SNRPN: variants seen among roughly 807,000 people sequenced by gnomAD.
SNRPN encodes small nuclear ribonucleoprotein polypeptide N, also known as small nuclear ribonucleoprotein-associated protein N.
In SNRPN, 7 loss-of-function variants were observed where a neutral mutation model predicts 25.2. The ratio of observed to expected loss-of-function variants is 0.28; its 90% CI spans 0.16 to 0.52. SNRPN has a LOEUF of 0.52. Among genes scored for constraint, SNRPN ranks in the 20% least tolerant of loss-of-function variants. SNRPN has a pLI of 0.96. For synonymous variants in SNRPN, 124 were observed against 110.6 expected, an observed-to-expected ratio of 1.12 and a Z score of -0.76; for missense variants, 196 against 322.5, an observed-to-expected ratio of 0.61 and a Z score of 3.00.
At chr15:24,969,587 G>A (rs979789208) in intron 3 of SNRPN, among the ~76,000 whole-genome samples, 1 of 151,676 alleles carries the variant, frequency 6.6e-6, no homozygotes, top group African/African-American at 2.4e-5. Flanking sequence ...CATTGAATAG[G>A]TGTGCACAAC....
chr15:24,933,621 T>C (rs2061030680), intron 3 of SNRPN, among the ~76,000 whole-genome samples: 1 of 151,828 alleles, frequency 6.6e-6, no homozygotes, highest in Admixed American at 6.6e-5. Flanking sequence ...CTACTAAAAA[T>C]AGAGGAGAAT....
intron 1 of SNRPN, 52 bp downstream of exon 1, chr15:24,955,114 T>C: frequency 6.2e-7 from 1 of 1,612,268 alleles, no homozygotes; most frequent in Non-Finnish European, 8.5e-7. Flanking sequence ...AGCGGCCACT[T>C]TTATTCATCA....
intron 3 of SNRPN, among the ~76,000 whole-genome samples, chr15:24,971,005 G>C (rs983544543): frequency 6.6e-5 from 10 of 152,062 alleles, no homozygotes; most frequent in Admixed American, 5.9e-4. Context: ...ATATTCCATG[G>C]TGTGTCTCAT....
At chr15:24,885,716 C>CTGTGTGTG (rs58691279) in intron 1 of SNRPN, among the ~76,000 whole-genome samples, 12,057 of 141,574 alleles carry the variant, frequency 0.085, 737 homozygotes, top group East Asian at 0.31. Flanking sequence ...GAATCTGGGG[C>CTGTGTGTG]TGTGTGTGTG....
chr15:24,973,938 C>A (rs2076767288), intron 3 of SNRPN, among the ~76,000 whole-genome samples: 1 of 152,046 alleles, frequency 6.6e-6, no homozygotes, highest in African/African-American at 2.4e-5. Flanking sequence ...AAGGAAAAAT[C>A]TGAATGAAAG....
rs1453667643 is a variant in SNRPN at position 24,975,241 on chromosome 15, A to G, written c.4-117A>G. The G allele has an allele frequency of 9.3e-6, 7 of 754,036 alleles. No individual in the cohort carries two copies. In the Admixed American group the frequency reaches 1.2e-4, roughly 12 times the overall value. 46.7% of individuals were successfully genotyped at this position (754,036 alleles called of 1,614,324 possible). A position where few individuals can be genotyped will look rare whatever the true frequency, so the allele number is the denominator to read the frequency against. ...GAATGTTGGTGAAAAAGGAGAGAATATTTGTTTAGTTAAGGAAACCAGGCT... is the reference window on the plus strand; with the variant it reads ...GAATGTTGGTGAAAAAGGAGAGAATGTTTGTTTAGTTAAGGAAACCAGGCT... On this transcript the variant is annotated intron_variant, in intron 4 of 9. Transcript: ENST00000390687.
At chr15:24,829,244 T>G (rs2050319346) in intron 1 of SNRPN, among the ~76,000 whole-genome samples, 1 of 152,042 alleles carries the variant, frequency 6.6e-6, no homozygotes, top group Non-Finnish European at 1.5e-5. Context: ...CAACAGAAAC[T>G]AAACTGCAAG....
At chr15:24,909,178 A>T in intron 2 of SNRPN, 1 of 1,440,286 alleles carries the variant, frequency 6.9e-7, no homozygotes, top group Non-Finnish European at 9.7e-7. Context: ...AAGCATTTTC[A>T]TCTTCTTCCA....
chr15:24,948,577 TA>T (rs1475810943), intron 3 of SNRPN, among the ~76,000 whole-genome samples: 1 of 152,142 alleles, frequency 6.6e-6, no homozygotes. Context: ...TTGGTTTTTC[TA>T]AAATACCCTT....
Position 24,918,952 on chromosome 15 carries a change from AATATATATGCGCGCATAT to A in SNRPN, c.-504-1051_-504-1034del, listed in dbSNP as rs1331535481. 2.9e-5 allele frequency among the ~76,000 whole-genome samples: 3 copies of A among 103,914 alleles called. 1 individual carries two copies. The highest frequency in any genetic ancestry group is 5.7e-5 in the Non-Finnish European group (3 of 52,184). The allele number at this position is 103,914 out of a possible 152,430, so 68.2% of individuals were successfully genotyped here. A position where few individuals can be genotyped will look rare whatever the true frequency, so the allele number is the denominator to read the frequency against. ...ATATATGCGCACATATATATAACAT[AATATATATGCGCGCATAT>A]ATATATAACATAATATATATGTGCG... On this transcript the variant is annotated intron_variant, in intron 2 of 11. Coordinates refer to the SNRPN transcript ENST00000400097.
chr15:24,828,985 AAAG>A (rs1267592144), intron 1 of SNRPN, among the ~76,000 whole-genome samples: 1 of 152,026 alleles, frequency 6.6e-6, no homozygotes, highest in Non-Finnish European at 1.5e-5. Flanking sequence ...AAAGGGAAAA[AAAG>A]AAACATGTTC....
chr15:24,903,796 G>T (rs2058616133), intron 2 of SNRPN, among the ~76,000 whole-genome samples: 1 of 152,180 alleles, frequency 6.6e-6, no homozygotes, highest in Non-Finnish European at 1.5e-5. Context: ...CACTTTGGAG[G>T]CAGAGAGGGG....
rs948730523 is a variant in SNRPN, at chr15:24,872,449, G to T, written c.-578-14067G>T. Among the ~76,000 whole-genome samples, 5 of 113,546 alleles carry T rather than the reference G, an allele frequency of 4.4e-5. 1 individual carries two copies. The highest frequency in any genetic ancestry group is 3.9e-4 in the Admixed American group (4 of 10,154). 74.5% of individuals were successfully genotyped at this position (113,546 alleles called of 152,430 possible). On this transcript the variant is annotated intron_variant, in intron 1 of 11. Coordinates refer to the SNRPN transcript ENST00000400097. ...CCCAGTCAAAAATACATTTTTTTTT[G>T]GAAAATATAGTTTAGGCTGGGCGCA...
intron 3 of SNRPN, among the ~76,000 whole-genome samples, chr15:24,943,905 G>A (rs11639396): frequency 0.054 from 8,246 of 151,998 alleles, 249 homozygotes; most frequent in African/African-American, 0.067. Flanking sequence ...CACTGCAGCC[G>A]CTGTCTCCCA....
At chr15:24,881,526 CG>C (rs767905903) in intron 1 of SNRPN, among the ~76,000 whole-genome samples, 4 of 72,542 alleles carry the variant, frequency 5.5e-5, no homozygotes, top group African/African-American at 5.3e-5. Flanking sequence ...AGCGAAACTC[CG>C]AGAGAGAGAG....
At chr15:24,896,514 C>A (rs764170135) in intron 2 of SNRPN, among the ~76,000 whole-genome samples, 3 of 151,854 alleles carry the variant, frequency 2.0e-5, no homozygotes, top group Non-Finnish European at 4.4e-5. Context: ...ATCGAGACCC[C>A]CCCGCCGGCT....
chr15:24,901,404 G>T (rs187134036), intron 2 of SNRPN, among the ~76,000 whole-genome samples: 4 of 152,268 alleles, frequency 2.6e-5, no homozygotes, highest in African/African-American at 9.6e-5. Flanking sequence ...ATCAAGAAAA[G>T]TTCCGGGTCT....
At chr15:24,969,032 A>G (rs2076057155) in intron 3 of SNRPN, among the ~76,000 whole-genome samples, 2 of 152,140 alleles carry the variant, frequency 1.3e-5, no homozygotes, top group Non-Finnish European at 2.9e-5. Context: ...GGGTTTACTG[A>G]TAAATTCCTT....
chr15:24,827,163 G>A (rs1245842673), intron 1 of SNRPN, among the ~76,000 whole-genome samples: 4 of 152,070 alleles, frequency 2.6e-5, no homozygotes, highest in African/African-American at 7.3e-5. Context: ...GTGAGTGAGT[G>A]AGTTGTGAGT....
Sources: gnomAD v4.1 joint callset for allele counts (sites outside exome capture counted in the v4.1 genomes callset) on GRCh38, gnomAD v4.1.1 for gene constraint, MANE v1.5 for transcripts, NCBI Gene and HGNC (gene_info 2026-07-23, HGNC 2026-07-21) for gene names.